Variants in IL2RB observed in about 807,000 individuals in gnomAD.
The protein encoded by IL2RB is interleukin 2 receptor subunit beta.
Under a neutral mutation model 44.2 loss-of-function variants are expected in IL2RB, and 17 were observed. That is an observed-to-expected ratio of 0.38 (90% CI 0.26 to 0.58). The LOEUF (loss-of-function observed/expected upper bound fraction) is 0.58, where lower values mean the gene tolerates loss of function less well. IL2RB is among the 20% of genes least tolerant of loss of function. The pLI, the probability that IL2RB is intolerant of heterozygous loss-of-function variation, is 0.63. For missense variants in IL2RB, 624 were observed against 685.5 expected (o/e 0.91, Z 1.00); for synonymous variants, 286 against 297.9 (o/e 0.96, Z 0.41).
intron 1 of IL2RB, among the ~76,000 whole-genome samples, chr22:37,163,991 T>C (rs2145738689): frequency 6.6e-6 from 1 of 152,376 alleles, no homozygotes; most frequent in South Asian, 2.1e-4. Flanking sequence ...CTGCTGCTCA[T>C]GCACGAAGGT....
chr22:37,138,993 A>G (rs1921832763), intron 5 of IL2RB, 124 bp downstream of exon 5: 1 of 653,112 alleles, frequency 1.5e-6, no homozygotes, highest in Admixed American at 2.4e-5. Flanking sequence ...GCGGGCGGTG[A>G]GGTGATCAGA....
At chr22:37,170,641 C>T (rs926028377) in intron 1 of IL2RB, among the ~76,000 whole-genome samples, 2 of 152,172 alleles carry the variant, frequency 1.3e-5, no homozygotes, top group Admixed American at 6.5e-5. Flanking sequence ...AAGGGTGCCA[C>T]ATTTGGGGTT....
intron 2 of IL2RB, among the ~76,000 whole-genome samples, 165 bp downstream of exon 2, chr22:37,143,918 TGC>T (rs58875564): frequency 0.3 from 32,796 of 108,222 alleles, 3,688 homozygotes; most frequent in African/African-American, 0.38. Context: ...TGTGTGTGTG[TGC>T]GCGCATTCAT....
Position 37,141,464 on chromosome 22 carries a change from C to A in IL2RB, c.282+970G>T, listed in dbSNP as rs1921964202. Among the ~76,000 whole-genome samples, 1 of 152,124 alleles carries A rather than the reference C, an allele frequency of 6.6e-6. No individual in the cohort carries two copies. The highest frequency in any genetic ancestry group is 2.4e-5 in the African/African-American group (1 of 41,404). ...TCTGATCCTGGAGGCACAGTCGGGG[C>A]TACGCACTCTGTGGATCCAGTGTGA... On this transcript the variant is annotated intron_variant, in intron 4 of 9. Transcript: ENST00000216223. The surrounding 1 kb of genome is among the most constrained non-coding windows in gnomAD (Gnocchi z 4.4).
At chr22:37,144,311 C>A in intron 1 of IL2RB, 106 bp from the exon 2 acceptor site, 1 of 1,381,744 alleles carries the variant, frequency 7.2e-7, no homozygotes, top group Non-Finnish European at 9.6e-7. Context: ...GGTCTGCACT[C>A]CTCGGTGCCA....
chr22:37,131,671 T>A (rs1921434416), intron 9 of IL2RB, among the ~76,000 whole-genome samples: 1 of 151,220 alleles, frequency 6.6e-6, no homozygotes, highest in Admixed American at 6.6e-5. Context: ...GACAGTGGGG[T>A]GGAGAGAGCT....
chr22:37,146,125 C>T (rs781201475), intron 1 of IL2RB, among the ~76,000 whole-genome samples: 21 of 152,262 alleles, frequency 1.4e-4, no homozygotes, highest in South Asian at 4.1e-4. Context: ...CCATACCTAG[C>T]CAGTCAGGAC....
chr22:37,140,771 G>A (rs1436742461), intron 4 of IL2RB, among the ~76,000 whole-genome samples: 1 of 152,176 alleles, frequency 6.6e-6, no homozygotes, highest in African/African-American at 2.4e-5. Flanking sequence ...ATATGGACAT[G>A]GCCATATGCC....
chr22:37,145,414 T>C (rs1241943410), intron 1 of IL2RB, among the ~76,000 whole-genome samples: 3 of 151,702 alleles, frequency 2.0e-5, no homozygotes, highest in Non-Finnish European at 4.4e-5. Flanking sequence ...CACTGGCCAG[T>C]GCTTTATTTA....
chr22:37,163,731 G>C (rs1286825257), intron 1 of IL2RB, among the ~76,000 whole-genome samples: 4 of 152,258 alleles, frequency 2.6e-5, no homozygotes. Context: ...GAGTGGAGCA[G>C]AGGGATGCTC....
Position 37,137,630 on chromosome 22 carries a change from A to C in IL2RB, c.494T>G (p.Leu165Arg). Reference protein sequence around the residue: ...SQASHYFERHLEFEARTLSPG... With the variant: ...SQASHYFERHREFEARTLSPG... ...GGACAGCGTCCGGGCCTCGAACTCC[A>C]GGTGTCTTTCAAAGTAGTGGGAGGC... Residue 165 changes from leucine to arginine, a missense_variant, in exon 6 of 10, where the codon CTG (leucine) becomes CGG (arginine). Transcript: ENST00000216223. 2 of 1,614,128 alleles carry C rather than the reference A, an allele frequency of 1.2e-6. No homozygotes were observed. The highest frequency in any genetic ancestry group is 1.7e-6 in the Non-Finnish European group (2 of 1,179,996).
At chr22:37,131,256 C>T (rs1425832001) in intron 9 of IL2RB, among the ~76,000 whole-genome samples, 1 of 152,170 alleles carries the variant, frequency 6.6e-6, no homozygotes, top group African/African-American at 2.4e-5. Context: ...AGAAGGGGCC[C>T]TTGATCAGCC....
At chr22:37,145,294 G>T (rs994898808) in intron 1 of IL2RB, among the ~76,000 whole-genome samples, 1 of 152,112 alleles carries the variant, frequency 6.6e-6, no homozygotes, top group Non-Finnish European at 1.5e-5. Flanking sequence ...GGCAGGGCCA[G>T]GTTGGTCACC....
chr22:37,132,350 T>TG, intron 9 of IL2RB, 34 bp downstream of exon 9: 1 of 1,560,826 alleles, frequency 6.4e-7, no homozygotes, highest in Non-Finnish European at 8.8e-7. Context: ...CTCACACCCC[T>TG]GCCCACCTCT....
chr22:37,132,506 A>G lies in IL2RB; in HGVS notation c.819-38T>C, dbSNP rs765413107. ...GAGGAGGGAAGGAGGAGGGTGAGAA[A>G]GGGAAGGACCGCGGTGTTATGCCAT... On this transcript the variant is annotated intron_variant, in intron 8 of 9. Coordinates refer to ENST00000216223, the MANE Select transcript of IL2RB (RefSeq NM_000878.5). 3 of 1,523,522 alleles carry G rather than the reference A, an allele frequency of 2.0e-6. No homozygotes were observed. In the South Asian group the frequency reaches 3.4e-5, roughly 17 times the overall value. 94.4% of individuals were successfully genotyped at this position (1,523,522 alleles called of 1,614,324 possible). A position where few individuals can be genotyped will look rare whatever the true frequency, so the allele number is the denominator to read the frequency against.
chr22:37,143,726 C>A, intron 2 of IL2RB, 91 bp from the exon 3 acceptor site: 1 of 898,628 alleles, frequency 1.1e-6, no homozygotes, highest in Non-Finnish European at 1.8e-6. Flanking sequence ...GCACCCACAC[C>A]TGCCAGAGGA....
intron 1 of IL2RB, among the ~76,000 whole-genome samples, chr22:37,174,472 C>T (rs1923388897): frequency 6.6e-6 from 1 of 152,268 alleles, no homozygotes; most frequent in East Asian, 1.9e-4. Flanking sequence ...ACCAAAAGCA[C>T]CACGCTCAGA....
At chr22:37,161,590 CG>C (rs34657743) in intron 1 of IL2RB, among the ~76,000 whole-genome samples, 63,164 of 150,618 alleles carry the variant, frequency 0.42, 13,543 homozygotes, top group South Asian at 0.6. Context: ...AGACCTCAGG[CG>C]GGGAGAGCAT....
intron 1 of IL2RB, among the ~76,000 whole-genome samples, chr22:37,157,501 T>C (rs1464878795): frequency 2.6e-5 from 4 of 152,212 alleles, no homozygotes; most frequent in Non-Finnish European, 5.9e-5. Flanking sequence ...GTGCAAACCA[T>C]GCCATTCCTT....
Sources: allele counts gnomAD v4.1 joint callset (sites outside exome capture counted in the v4.1 genomes callset), GRCh38; gene constraint gnomAD v4.1.1; non-coding constraint Gnocchi (gnomAD v3.1); transcripts MANE v1.5; gene names NCBI Gene and HGNC (gene_info 2026-07-23, HGNC 2026-07-21).